Variants in CCDC150 observed in about 807,000 individuals in gnomAD.
CCDC150 encodes the protein coiled-coil domain containing 150, also known as coiled-coil domain-containing protein 150.
Under a neutral mutation model 156.5 loss-of-function variants are expected in CCDC150, and 151 were observed. The observed-to-expected ratio is 0.97, with a 90% CI of 0.85 to 1.10. CCDC150 has a LOEUF of 1.10. Ranked by LOEUF, CCDC150 falls within the 50% of genes least tolerant of loss-of-function variation. The pLI, the probability that CCDC150 is intolerant of heterozygous loss-of-function variation, is 0.00. For missense variants in CCDC150, 1,312 were observed against 1,268.1 expected (o/e 1.03, Z -0.53); for synonymous variants, 452 against 429.4 (o/e 1.05, Z -0.65).
chr2:196,732,264 CT>C (rs2125724784), intron 27 of CCDC150, 112 bp downstream of exon 27: 2 of 1,310,476 alleles, frequency 1.5e-6, no homozygotes, highest in Non-Finnish European at 2.1e-6. Flanking sequence ...TCTTTAGTTT[CT>C]TTAGACTAAT....
rs1697988909 is a variant in CCDC150, at chr2:196,722,657, T to C, written c.2429+966T>C. On this transcript the variant is annotated intron_variant, in intron 21 of 27. Transcript: ENST00000389175. ...TAAAGCAGAGATGGTATTTTCCAGATATATGATCTCTGCAAATTTTATATT... is the reference window on the plus strand; with the variant it reads ...TAAAGCAGAGATGGTATTTTCCAGACATATGATCTCTGCAAATTTTATATT... Among the ~76,000 whole-genome samples, 3 of 152,282 alleles carry C rather than the reference T, an allele frequency of 2.0e-5. No homozygotes were observed. In the South Asian group the frequency reaches 6.2e-4, roughly 32 times the overall value.
intron 10 of CCDC150, among the ~76,000 whole-genome samples, chr2:196,675,005 A>C (rs1694411378): frequency 6.6e-6 from 1 of 152,134 alleles, no homozygotes; most frequent in South Asian, 2.1e-4. Flanking sequence ...AGAGAAGTTC[A>C]CTTGCCCAAA....
At chr2:196,690,037 A>G (rs1695357627) in intron 13 of CCDC150, among the ~76,000 whole-genome samples, 1 of 152,120 alleles carries the variant, frequency 6.6e-6, no homozygotes, top group South Asian at 2.1e-4. Context: ...TGTTTATACT[A>G]TGCAGCCATA....
At chr2:196,677,250 T>C in intron 12 of CCDC150, 43 bp from the exon 13 acceptor site, 1 of 1,326,576 alleles carries the variant, frequency 7.5e-7, no homozygotes, top group Non-Finnish European at 1.1e-6. Context: ...TCAGCTGCTA[T>C]AAAATTGACC....
At chr2:196,702,376 T>TGTGTGTGTGA (rs936049349) in intron 15 of CCDC150, among the ~76,000 whole-genome samples, 2 of 149,538 alleles carry the variant, frequency 1.3e-5, no homozygotes, top group South Asian at 2.1e-4. Flanking sequence ...TGTGTGTGTG[T>TGTGTGTGTGA]GAGATGAGGT....
chr2:196,654,467 A>T (rs1693070348), intron 2 of CCDC150, among the ~76,000 whole-genome samples: 1 of 150,640 alleles, frequency 6.6e-6, no homozygotes, highest in African/African-American at 2.4e-5. Flanking sequence ...CTCACATTGG[A>T]TGATTTTCAG....
intron 13 of CCDC150, among the ~76,000 whole-genome samples, chr2:196,681,969 G>A (rs1694854170): frequency 6.6e-6 from 1 of 151,906 alleles, no homozygotes; most frequent in Non-Finnish European, 1.5e-5. Context: ...TTTAAGTTTG[G>A]TTTATCTGTG....
At chr2:196,694,765 G>C (rs192616927) in intron 13 of CCDC150, among the ~76,000 whole-genome samples, 1 of 152,156 alleles carries the variant, frequency 6.6e-6, no homozygotes, top group Non-Finnish European at 1.5e-5. Flanking sequence ...AGGAGGCTGA[G>C]GCAGGAGAAT....
intron 10 of CCDC150, among the ~76,000 whole-genome samples, 153 bp downstream of exon 10, chr2:196,674,501 T>C (rs894718267): frequency 6.6e-6 from 1 of 152,174 alleles, no homozygotes; most frequent in Non-Finnish European, 1.5e-5. Context: ...TCAATTTTCA[T>C]CAGAGGGGTG....
At chr2:196,643,720 A>G (rs1692372450) in intron 1 of CCDC150, among the ~76,000 whole-genome samples, 2 of 152,342 alleles carry the variant, frequency 1.3e-5, no homozygotes, top group South Asian at 4.1e-4. Context: ...ACAAGACTCT[A>G]TATTATAACC....
intron 7 of CCDC150, 84 bp from the exon 8 acceptor site, chr2:196,669,749 C>G: frequency 1.1e-6 from 1 of 905,472 alleles, no homozygotes; most frequent in Non-Finnish European, 1.8e-6. Context: ...AAAAAATAGA[C>G]ATAAAATATT....
intron 7 of CCDC150, among the ~76,000 whole-genome samples, chr2:196,668,341 C>T (rs1693984310): frequency 6.7e-6 from 1 of 148,934 alleles, no homozygotes; most frequent in Admixed American, 6.7e-5. Context: ...AGGATCCACA[C>T]TGACTGTACC....
intron 15 of CCDC150, among the ~76,000 whole-genome samples, chr2:196,702,872 C>G (rs1024917312): frequency 6.6e-6 from 1 of 152,000 alleles, no homozygotes; most frequent in South Asian, 2.1e-4. Context: ...GATCATACAC[C>G]CTATCTGTGA....
chr2:196,666,912 T>A, intron 7 of CCDC150, 64 bp downstream of exon 7: 1 of 1,569,568 alleles, frequency 6.4e-7, no homozygotes, highest in Non-Finnish European at 8.8e-7. Context: ...GGAAAAACTC[T>A]TAAGATCCCA....
At chr2:196,718,961 A>G (rs1355859540) in intron 18 of CCDC150, among the ~76,000 whole-genome samples, 3 of 152,090 alleles carry the variant, frequency 2.0e-5, no homozygotes, top group Non-Finnish European at 2.9e-5. Context: ...TAAGATTTCT[A>G]TGATGCTTTC....
chr2:196,672,899 T>TC (rs1694289314), intron 9 of CCDC150, among the ~76,000 whole-genome samples: 4 of 152,172 alleles, frequency 2.6e-5, no homozygotes, highest in African/African-American at 9.7e-5. Context: ...ATTTAGCTGA[T>TC]GTTTTATATA....
chr2:196,718,442 C>A, intron 17 of CCDC150, 61 bp from the exon 18 acceptor site: 1 of 1,356,244 alleles, frequency 7.4e-7, no homozygotes, highest in South Asian at 1.5e-5. Context: ...TTCTAAATTT[C>A]TATGTCTTAT....
At chr2:196,660,566 C>T (rs1228180757) in intron 5 of CCDC150, among the ~76,000 whole-genome samples, 5 of 152,204 alleles carry the variant, frequency 3.3e-5, no homozygotes, top group African/African-American at 1.2e-4. Context: ...TATAATGACA[C>T]TGAGAATCTT....
intron 13 of CCDC150, among the ~76,000 whole-genome samples, chr2:196,693,616 A>G (rs1329747267): frequency 6.6e-6 from 1 of 152,082 alleles, no homozygotes; most frequent in East Asian, 1.9e-4. Context: ...CTCCTTTTCC[A>G]ATCTTAATGC....
Sources: allele counts gnomAD v4.1 joint callset (sites outside exome capture counted in the v4.1 genomes callset), GRCh38; gene constraint gnomAD v4.1.1; transcripts MANE v1.5; gene names NCBI Gene and HGNC (gene_info 2026-07-23, HGNC 2026-07-21).